MAPKAP1: variants seen among roughly 807,000 people sequenced by gnomAD.
MAPKAP1 encodes the protein MAPK associated protein 1, also known as target of rapamycin complex 2 subunit MAPKAP1.
In MAPKAP1, 20 loss-of-function variants were observed where a neutral mutation model predicts 65.7. That is an observed-to-expected ratio of 0.30 (90% CI 0.21 to 0.44). MAPKAP1 has a LOEUF of 0.44. Among genes scored for constraint, MAPKAP1 ranks in the 20% least tolerant of loss-of-function variants. The pLI, the probability that MAPKAP1 is intolerant of heterozygous loss-of-function variation, is 1.00. For synonymous variants in MAPKAP1, 222 were observed against 244.3 expected (o/e 0.91, Z 0.85); for missense variants, 423 against 648.0 (o/e 0.65, Z 3.77).
chr9:125,442,292 G>A (rs1390684111), intron 11 of MAPKAP1, among the ~76,000 whole-genome samples: 2 of 152,028 alleles, frequency 1.3e-5, no homozygotes, highest in Non-Finnish European at 2.9e-5. Flanking sequence ...ATTTTGATAT[G>A]GAAACAGACA....
chr9:125,637,006 C>A (rs829308), intron 4 of MAPKAP1, among the ~76,000 whole-genome samples: 18,759 of 152,198 alleles, frequency 0.12, 1,503 homozygotes, highest in Non-Finnish European at 0.18. Context: ...CGGTGGCTCA[C>A]GCTTGTAATC....
chr9:125,518,340 T>G (rs1173266267), intron 7 of MAPKAP1, among the ~76,000 whole-genome samples: 2 of 151,910 alleles, frequency 1.3e-5, no homozygotes, highest in East Asian at 1.9e-4. Flanking sequence ...CCATACTACA[T>G]CTGTAATCCC....
At chr9:125,668,780 A>G (rs1414598048) in intron 3 of MAPKAP1, among the ~76,000 whole-genome samples, 1 of 152,234 alleles carries the variant, frequency 6.6e-6, no homozygotes, top group Non-Finnish European at 1.5e-5. Context: ...ACACTAAGGG[A>G]AAAGAATTTG....
chr9:125,645,408 T>C (rs913554341), intron 4 of MAPKAP1, among the ~76,000 whole-genome samples: 5 of 152,100 alleles, frequency 3.3e-5, no homozygotes, highest in African/African-American at 9.7e-5. Context: ...ATGACAAACA[T>C]AGATTTTTCT....
intron 5 of MAPKAP1, among the ~76,000 whole-genome samples, chr9:125,567,007 C>A (rs1831076361): frequency 6.6e-6 from 1 of 152,168 alleles, no homozygotes; most frequent in African/African-American, 2.4e-5. Context: ...TGTTCCAATG[C>A]TAGCTATTTC....
chr9:125,619,708 T>C (rs1007513280), intron 4 of MAPKAP1, among the ~76,000 whole-genome samples: 16 of 151,896 alleles, frequency 1.1e-4, no homozygotes, highest in Non-Finnish European at 2.1e-4. Flanking sequence ...AATGTAAAAC[T>C]ATGCAAGACA....
intron 4 of MAPKAP1, among the ~76,000 whole-genome samples, chr9:125,588,611 G>A (rs1831861633): frequency 6.6e-6 from 1 of 152,088 alleles, no homozygotes. Context: ...TATCTCCACT[G>A]CCACCAAAAT....
chr9:125,524,816 T>C (rs1214298279), intron 7 of MAPKAP1, among the ~76,000 whole-genome samples: 2 of 152,254 alleles, frequency 1.3e-5, no homozygotes, highest in Non-Finnish European at 2.9e-5. Context: ...AGATGTTCCC[T>C]GGGAAGTCCT....
intron 11 of MAPKAP1, among the ~76,000 whole-genome samples, chr9:125,441,005 T>A (rs911964509): frequency 2.0e-5 from 3 of 152,208 alleles, no homozygotes; most frequent in African/African-American, 4.8e-5. Flanking sequence ...ACATAGATAA[T>A]GTTAATGGAA....
At chr9:125,685,429 C>T (rs898791443) in intron 1 of MAPKAP1, among the ~76,000 whole-genome samples, 2 of 152,088 alleles carry the variant, frequency 1.3e-5, no homozygotes, top group African/African-American at 2.4e-5. Context: ...GCAAGGAGTC[C>T]GCCAAGGAGC....
intron 9 of MAPKAP1, among the ~76,000 whole-genome samples, chr9:125,472,576 G>A (rs899179961): frequency 9.2e-5 from 14 of 152,174 alleles, no homozygotes; most frequent in African/African-American, 1.9e-4. Context: ...ACAGTGTCAC[G>A]TATGCACTGT....
At chr9:125,513,414 G>A (rs1829366716) in intron 7 of MAPKAP1, among the ~76,000 whole-genome samples, 1 of 152,118 alleles carries the variant, frequency 6.6e-6, no homozygotes, top group African/African-American at 2.4e-5. Flanking sequence ...AATTTAAAGA[G>A]CTGCTTTAAT....
rs1199612669 is a variant in MAPKAP1, at chr9:125,664,724, C to CAAAAA, written c.349+5089_349+5093dup. Among the ~76,000 whole-genome samples, 69 of 59,926 alleles carry CAAAAA rather than the reference C, an allele frequency of 1.2e-3. 4 individuals are homozygous for CAAAAA. Among genetic ancestry groups the CAAAAA allele is most frequent in the African/African-American group, 3.4e-3 (64 of 18,776 alleles). 39.3% of individuals were successfully genotyped at this position (59,926 alleles called of 152,430 possible). A position where few individuals can be genotyped will look rare whatever the true frequency, so the allele number is the denominator to read the frequency against. ...TGGGCAACAGAGCAAGACTCACTCT[C>CAAAAA]AAAAAAAAAAAAAAAAGGAAAAGAA... On this transcript the variant is annotated intron_variant, in intron 3 of 11. Coordinates refer to ENST00000265960, the MANE Select transcript of MAPKAP1 (RefSeq NM_001006617.3).
intron 6 of MAPKAP1, among the ~76,000 whole-genome samples, chr9:125,546,392 G>A (rs1412925571): frequency 1.3e-5 from 2 of 152,180 alleles, no homozygotes; most frequent in Non-Finnish European, 2.9e-5. Flanking sequence ...AGCGCTTTGG[G>A]GGGAGATGGG....
At chr9:125,700,671 C>A (rs180670748) in intron 1 of MAPKAP1, among the ~76,000 whole-genome samples, 1 of 152,164 alleles carries the variant, frequency 6.6e-6, no homozygotes, top group Non-Finnish European at 1.5e-5. Context: ...TAGACTGCTG[C>A]CAACTAGAGT....
At chr9:125,518,335 CTACATCTGTAATCCCACAT>C (rs1564539411) in intron 7 of MAPKAP1, among the ~76,000 whole-genome samples, 10 of 146,368 alleles carry the variant, frequency 6.8e-5, no homozygotes, top group South Asian at 2.2e-4. Flanking sequence ...TAATCCCATA[CTACATCTGTAATCCCACAT>C]TACATCTGTA....
rs756697610 is a variant in MAPKAP1 at position 125,439,213 on chromosome 9, G to A, written c.1444-201C>T. Reference sequence around the variant, plus strand: ...GCTGCTCTACGATGGGAAAACAGAGGCTTGGAGAAGCCAAGTGGCCAGTCC... The same window carrying A: ...GCTGCTCTACGATGGGAAAACAGAGACTTGGAGAAGCCAAGTGGCCAGTCC... On this transcript the variant is annotated intron_variant, in intron 11 of 11. Transcript: ENST00000265960. This position sits in a 1 kb window ranked among gnomAD's most constrained non-coding sequence, Gnocchi z 4.0. Among the ~76,000 whole-genome samples the A allele has an allele frequency of 3.9e-5, 6 of 152,226 alleles. No homozygotes were observed. Among genetic ancestry groups the A allele is most frequent in the Non-Finnish European group, 8.8e-5 (6 of 68,030 alleles).
chr9:125,585,278 G>A (rs943674587), intron 5 of MAPKAP1, among the ~76,000 whole-genome samples: 24 of 152,250 alleles, frequency 1.6e-4, no homozygotes, highest in Non-Finnish European at 1.9e-4. Flanking sequence ...ATCCCCTCCC[G>A]TTCCCTTCCA....
intron 11 of MAPKAP1, among the ~76,000 whole-genome samples, chr9:125,441,512 C>T (rs1852483974): frequency 6.6e-6 from 1 of 152,208 alleles, no homozygotes; most frequent in Non-Finnish European, 1.5e-5. Flanking sequence ...GGGAGACGTT[C>T]CTATTTCTAC....
Sources: gnomAD v4.1 joint callset for allele counts (sites outside exome capture counted in the v4.1 genomes callset) on GRCh38, gnomAD v4.1.1 for gene constraint, Gnocchi (gnomAD v3.1) non-coding constraint, MANE v1.5 for transcripts, NCBI Gene and HGNC (gene_info 2026-07-23, HGNC 2026-07-21) for gene names.